Variants in USP36 observed in about 807,000 individuals in gnomAD.
USP36 encodes ubiquitin carboxyl-terminal hydrolase 36.
Under a neutral mutation model 111.5 loss-of-function variants are expected in USP36, and 59 were observed. The ratio of observed to expected loss-of-function variants is 0.53; its 90% CI spans 0.43 to 0.66. The LOEUF (loss-of-function observed/expected upper bound fraction) is 0.66. Among genes scored for constraint, USP36 ranks in the 30% least tolerant of loss-of-function variants. The pLI is 0.00. For missense variants in USP36, 1,488 were observed against 1,468.0 expected (o/e 1.01, Z -0.22); for synonymous variants, 628 against 581.0 (o/e 1.08, Z -1.16).
downstream of USP36, among the ~76,000 whole-genome samples, chr17:78,794,943 G>T (rs1448622985): frequency 2.6e-5 from 4 of 151,398 alleles, no homozygotes; most frequent in African/African-American, 4.9e-5. Flanking sequence ...GGAGGCAGAG[G>T]TTGCAGTGAG....
intron 6 of USP36, among the ~76,000 whole-genome samples, chr17:78,826,220 A>G (rs2067527495): frequency 6.6e-6 from 1 of 152,244 alleles, no homozygotes; most frequent in South Asian, 2.1e-4. Flanking sequence ...AGTTGCCTTC[A>G]TATAAGTGAT....
chr17:78,810,109 G>A (rs1419299778), intron 13 of USP36, among the ~76,000 whole-genome samples: 1 of 151,546 alleles, frequency 6.6e-6, no homozygotes, highest in Non-Finnish European at 1.5e-5. Flanking sequence ...GCCTCCCAAA[G>A]TGCCCGGCCC....
chr17:78,829,690 G>A (rs1384279504), intron 4 of USP36, among the ~76,000 whole-genome samples: 1 of 152,224 alleles, frequency 6.6e-6, no homozygotes, highest in Non-Finnish European at 1.5e-5. Flanking sequence ...CAGGCCAGAT[G>A]AGTCTGCCCA....
chr17:78,808,444 T>C (rs1285923077), intron 13 of USP36, among the ~76,000 whole-genome samples: 1 of 152,148 alleles, frequency 6.6e-6, no homozygotes, highest in Non-Finnish European at 1.5e-5. Flanking sequence ...GAGATGGGGA[T>C]CTTGCTATGT....
intron 4 of USP36, among the ~76,000 whole-genome samples, chr17:78,830,397 T>C (rs2067978074): frequency 6.6e-6 from 1 of 152,252 alleles, no homozygotes; most frequent in Admixed American, 6.5e-5. Flanking sequence ...CTGTTATTTA[T>C]GTATCCACCA....
chr17:78,823,241 A>G (rs918421269), intron 6 of USP36: 2 of 398,556 alleles, frequency 5.0e-6, no homozygotes, highest in African/African-American at 2.1e-5. Context: ...ACCATTCTTC[A>G]AAAGTGACCT....
intron 3 of USP36, among the ~76,000 whole-genome samples, chr17:78,788,850 T>G (rs2093557569): frequency 6.6e-6 from 1 of 151,604 alleles, no homozygotes; most frequent in Non-Finnish European, 1.5e-5. Context: ...TTGCCAGAGG[T>G]GGGGACGGGA....
At chr17:78,814,345 G>A (rs1474900981) in intron 11 of USP36, 67 bp downstream of exon 11, 7 of 1,588,774 alleles carry the variant, frequency 4.4e-6, no homozygotes, top group Non-Finnish European at 6.0e-6. Context: ...TACAGAGGCC[G>A]CATCTGGATG....
At chr17:78,822,446 G>C (rs891747672) in intron 6 of USP36, among the ~76,000 whole-genome samples, 1 of 141,452 alleles carries the variant, frequency 7.1e-6, no homozygotes, top group African/African-American at 2.5e-5. Flanking sequence ...GTCACAGACA[G>C]CTGGTCCCCA....
intron 4 of USP36, among the ~76,000 whole-genome samples, chr17:78,834,632 C>T (rs973604288): frequency 8.6e-5 from 13 of 151,962 alleles, no homozygotes; most frequent in Admixed American, 3.9e-4. Flanking sequence ...TAGTAGAAAC[C>T]GGGTTTCGCC....
rs2306527 is a variant in USP36 at position 78,802,073 on chromosome 17, C to T, written c.3022+251G>A. On this transcript the variant is annotated intron_variant, in intron 17 of 20. Transcript: ENST00000449938. The stretch of plus-strand genomic sequence containing the variant: ...GTGCACTCCCCAATACCCCCTCACC[C>T]GGTGCACACCCACGCGGTCCCCCAC... Among the ~76,000 whole-genome samples the T allele has an allele frequency of 0.45, 66,443 of 147,564 alleles. 15,941 individuals carry two copies. Among genetic ancestry groups the T allele is most frequent in the Non-Finnish European group, 0.53 (35,403 of 66,488 alleles).
Position 78,820,029 on chromosome 17 carries a change from CA to C in USP36, c.829-18del. On this transcript the variant is annotated intron_variant, in intron 8 of 20. Transcript: ENST00000449938. ...CGCAGCTTGCTGAGGAGGACAAAAA[CA>C]GGGAGTAAAATACACAGCAGAGGAA... The C allele has an allele frequency of 6.2e-7, 1 of 1,613,742 alleles. No individual in the cohort carries two copies. The highest frequency in any genetic ancestry group is 8.5e-7 in the Non-Finnish European group (1 of 1,179,750).
At chr17:78,792,939 C>A (rs1171375156), downstream of USP36, among the ~76,000 whole-genome samples, 1 of 152,134 alleles carries the variant, frequency 6.6e-6, no homozygotes, top group Non-Finnish European at 1.5e-5. Flanking sequence ...TGGTCTCGAA[C>A]TTCTGACCTC....
chr17:78,835,031 T>G (rs2068529559), intron 4 of USP36, among the ~76,000 whole-genome samples: 1 of 144,326 alleles, frequency 6.9e-6, no homozygotes. Context: ...TGGAAGTATC[T>G]TTTGAAAACG....
At chr17:78,794,359 G>A (rs2144849558), downstream of USP36, among the ~76,000 whole-genome samples, 1 of 152,282 alleles carries the variant, frequency 6.6e-6, no homozygotes, top group Non-Finnish European at 1.5e-5. Flanking sequence ...CTGCGCTTTT[G>A]CACCTGACTT....
At position 78,837,964 on chromosome 17, in the gene USP36, C is replaced by T. The variant is rs371645037; in HGVS notation, c.-10+623G>A. ...GCCAGGTGCAGTGGCCTGGGCCTGT[C>T]GTCCCAGATGCTTGGGAGGCTGAGG... On this transcript the variant is annotated intron_variant, in intron 2 of 20. Coordinates refer to ENST00000449938, the MANE Select transcript of USP36 (RefSeq NM_001385174.1). Among the ~76,000 whole-genome samples the T allele has an allele frequency of 7.9e-5, 12 of 152,300 alleles. No homozygotes were observed. In the South Asian group the frequency reaches 1.4e-3, roughly 18 times the overall value.
chr17:78,805,727 G>A (rs1054695896), intron 15 of USP36, among the ~76,000 whole-genome samples: 2 of 152,208 alleles, frequency 1.3e-5, no homozygotes, highest in African/African-American at 4.8e-5. Flanking sequence ...CCTGCATGAC[G>A]CTAGCAGGCA....
intron 1 of USP36, among the ~76,000 whole-genome samples, chr17:78,840,091 C>A (rs552586586): frequency 1.3e-5 from 2 of 152,342 alleles, no homozygotes; most frequent in Middle Eastern, 3.4e-3. Flanking sequence ...GCAGCGCCTG[C>A]CCCGAGCCCG....
At chr17:78,811,055 A>G (rs2094038970) in intron 13 of USP36, among the ~76,000 whole-genome samples, 1 of 149,154 alleles carries the variant, frequency 6.7e-6, no homozygotes, top group Non-Finnish European at 1.5e-5. Flanking sequence ...CGGAGGCTGC[A>G]TAGTGGCAGA....
Sources: allele counts gnomAD v4.1 joint callset (sites outside exome capture counted in the v4.1 genomes callset), GRCh38; gene constraint gnomAD v4.1.1; transcripts MANE v1.5; gene names NCBI Gene and HGNC (gene_info 2026-07-23, HGNC 2026-07-21).